The following PREX1 variants were observed in gnomAD, a reference collection of about 807,000 sequenced individuals.
The protein encoded by PREX1 is phosphatidylinositol 3,4,5-trisphosphate-dependent Rac exchanger 1 protein.
Under a neutral mutation model 198.3 loss-of-function variants are expected in PREX1, and 41 were observed. That is an observed-to-expected ratio of 0.21 (90% confidence interval 0.16 to 0.27). PREX1 has a LOEUF of 0.27. Ranked by LOEUF, PREX1 falls within the 10% of genes least tolerant of loss-of-function variation. The pLI is 1.00. For missense variants in PREX1, 1,620 were observed against 2,200.7 expected (o/e 0.74, Z 5.28); for synonymous variants, 843 against 887.2 (o/e 0.95, Z 0.89).
At chr20:48,792,816 AT>A (rs369207912) in intron 1 of PREX1, among the ~76,000 whole-genome samples, 8 of 76,578 alleles carry the variant, frequency 1.0e-4, no homozygotes, top group African/African-American at 2.1e-4. Flanking sequence ...AAAAAAAAAA[AT>A]ACACACACAC....
At chr20:48,753,723 G>C (rs2090144263) in intron 1 of PREX1, among the ~76,000 whole-genome samples, 1 of 152,110 alleles carries the variant, frequency 6.6e-6, no homozygotes, top group Non-Finnish European at 1.5e-5. Context: ...GAACACACCA[G>C]GCCCCCAGCA....
At chr20:48,642,596 A>G in intron 27 of PREX1, 107 bp from the exon 28 acceptor site, 1 of 964,928 alleles carries the variant, frequency 1.0e-6, no homozygotes, top group Non-Finnish European at 1.5e-6. Context: ...CAAACCCACA[A>G]GGGATGTGGA....
chr20:48,686,487 G>A (rs377063855), intron 10 of PREX1, among the ~76,000 whole-genome samples: 1 of 152,220 alleles, frequency 6.6e-6, no homozygotes, highest in African/African-American at 2.4e-5. Flanking sequence ...AGAACTCCTC[G>A]AAGTTCTGAT....
intron 1 of PREX1, among the ~76,000 whole-genome samples, chr20:48,762,224 T>G (rs2090183788): frequency 6.6e-6 from 1 of 152,224 alleles, no homozygotes; most frequent in Admixed American, 6.5e-5. Context: ...TCCTTCCCAT[T>G]CACAACCCAG....
At chr20:48,853,121 G>T in the PREX1 span, among the ~76,000 whole-genome samples, 1 of 152,046 alleles carries the variant, frequency 6.6e-6, no homozygotes, top group Non-Finnish European at 1.5e-5. Context: ...TGAACTACGT[G>T]AATATGATAC....
intron 32 of PREX1, 34 bp from the exon 33 acceptor site, chr20:48,634,809 A>G (rs776192787): frequency 4.9e-5 from 77 of 1,582,146 alleles, no homozygotes; most frequent in Middle Eastern, 1.7e-4. Context: ...GGAGTCTCAG[A>G]TGCCAACCCT....
chr20:48,625,822 C>A lies in PREX1; in HGVS notation c.*63G>T. 1 of 1,485,382 alleles carries A rather than the reference C, an allele frequency of 6.7e-7. No individual in the cohort carries two copies. The highest frequency in any genetic ancestry group is 1.2e-5 in the South Asian group (1 of 80,472). The allele number at this position is 1,485,382 out of a possible 1,614,324, so 92.0% of individuals were successfully genotyped here. On this transcript the variant is annotated 3_prime_UTR_variant, in exon 40 of 40. Coordinates refer to ENST00000371941, the MANE Select transcript of PREX1 (RefSeq NM_020820.4). Reference sequence around the variant, plus strand: ...CCATCCCTGGAGAAGGCCAGCGCTGCCTGCTGTGTCCTCCCAAATCCCAGC... The same window carrying A: ...CCATCCCTGGAGAAGGCCAGCGCTGACTGCTGTGTCCTCCCAAATCCCAGC...
Position 48,734,573 on chromosome 20 carries a change from C to T in PREX1, c.492G>A (p.Lys164=), listed in dbSNP as rs2090048910. 4 of 1,614,110 alleles carry T rather than the reference C, an allele frequency of 2.5e-6. No individual in the cohort carries two copies. Among genetic ancestry groups the T allele is most frequent in the Non-Finnish European group, 2.5e-6 (3 of 1,179,964 alleles). ...AAAGGAAGGCGCGCACGGTAGGGATCTTGTTCAGCTCCACCAGCAGCCTCA... is the reference window on the plus strand; with the variant it reads ...AAAGGAAGGCGCGCACGGTAGGGATTTTGTTCAGCTCCACCAGCAGCCTCA... ...KALRLLVELN[K]IPTVRAFLLS... is the part of the protein sequence containing the mutation. The change falls in exon 4 of 40, where the codon AAG becomes AAA. Residue 164 remains lysine (K), a synonymous_variant. Coordinates refer to ENST00000371941, the MANE Select transcript of PREX1 (RefSeq NM_020820.4).
intron 15 of PREX1, among the ~76,000 whole-genome samples, chr20:48,661,468 TACACACAC>T (rs778376565): frequency 3.9e-5 from 3 of 76,792 alleles, no homozygotes; most frequent in African/African-American, 3.0e-4. Context: ...TATATATATA[TACACACAC>T]ATATATATAA....
intron 29 of PREX1, 83 bp from the exon 30 acceptor site, chr20:48,639,977 C>T: frequency 6.7e-7 from 1 of 1,503,290 alleles, no homozygotes; most frequent in East Asian, 2.3e-5. Context: ...TATGTCCCAT[C>T]ACAGATCCCA....
chr20:48,713,757 AAAGAG>A (rs1207134576), intron 5 of PREX1, among the ~76,000 whole-genome samples: 51 of 128,768 alleles, frequency 4.0e-4, no homozygotes, highest in Admixed American at 3.6e-3. Context: ...TAAAAAAAAA[AAAGAG>A]AGAGAGAGAT....
Position 48,651,199 on chromosome 20 carries a change from G to A in PREX1, c.2656-144C>T, listed in dbSNP as rs529992282. The A allele has an allele frequency of 1.5e-4, 187 of 1,289,364 alleles. 3 individuals carry two copies. In the South Asian group the frequency reaches 2.7e-3, roughly 18 times the overall value. 79.9% of individuals were successfully genotyped at this position (1,289,364 alleles called of 1,614,324 possible). On this transcript the variant is annotated intron_variant, in intron 22 of 39. Coordinates refer to ENST00000371941, the MANE Select transcript of PREX1 (RefSeq NM_020820.4). ...GGCCCATATTGCACGGGAGTAAACT[G>A]AGGCTAAAGGGACAAGCCACTCTGC... is the stretch of plus-strand genomic sequence containing the variant.
intron 1 of PREX1, among the ~76,000 whole-genome samples, chr20:48,768,424 G>T (rs556803430): frequency 1.3e-5 from 2 of 152,266 alleles, no homozygotes; most frequent in African/African-American, 4.8e-5. Context: ...ACACAAAAGG[G>T]TGCAGCCACC....
Position 48,769,466 on chromosome 20 carries a change from C to G in PREX1, c.220-21586G>C, listed in dbSNP as rs757401524. On this transcript the variant is annotated intron_variant, in intron 1 of 39. Coordinates refer to ENST00000371941, the MANE Select transcript of PREX1 (RefSeq NM_020820.4). Reference sequence around the variant, plus strand: ...CACCCACTAGGCATGGGGCCGGCTTCGTACATCAAAGAGCCCTTGCATGTT... The same window carrying G: ...CACCCACTAGGCATGGGGCCGGCTTGGTACATCAAAGAGCCCTTGCATGTT... Among the ~76,000 whole-genome samples the G allele has an allele frequency of 5.2e-4, 79 of 152,298 alleles. 1 individual carries two copies. Among genetic ancestry groups the G allele is most frequent in the African/African-American group, 1.9e-3 (78 of 41,558 alleles).
At chr20:48,775,677 C>T (rs2090257752) in intron 1 of PREX1, among the ~76,000 whole-genome samples, 1 of 150,192 alleles carries the variant, frequency 6.7e-6, no homozygotes, top group South Asian at 2.1e-4. Context: ...GTGCTGTTCT[C>T]GTGATAGTGA....
At chr20:48,663,605 T>TA (rs2089612745) in intron 15 of PREX1, among the ~76,000 whole-genome samples, 1 of 152,268 alleles carries the variant, frequency 6.6e-6, no homozygotes, top group Non-Finnish European at 1.5e-5. Context: ...TTTGTTTACA[T>TA]ACTCTCTATA....
chr20:48,679,634 G>A lies in PREX1; in HGVS notation c.1539+17C>T. 6.3e-7 allele frequency: 1 copy of A among 1,582,196 alleles called. No individual in the cohort carries two copies. Among genetic ancestry groups the A allele is most frequent in the South Asian group, 1.1e-5 (1 of 90,402 alleles). ...GAGGCCAGCTGAGTCAGAGTCACAG[G>A]GGCGGAGGGCCCCTACCTTGGACAT... On this transcript the variant is annotated intron_variant, in intron 12 of 39. Transcript: ENST00000371941.
Position 48,627,946 on chromosome 20 carries a change from G to A in PREX1, c.4784C>T (p.Ser1595Phe). The A allele has an allele frequency of 6.3e-7, 1 of 1,587,596 alleles. No homozygotes were observed. Among genetic ancestry groups the A allele is most frequent in the Non-Finnish European group, 8.6e-7 (1 of 1,164,748 alleles). ...TGCCAAGATGGCCGCCTGCTCCAGG[G>A]ACACGCTCAGGGTGCTCCTGCAGCA... ...TGMQRSTLSV[S>F]LEQAAILARS... Residue 1595 changes from serine to phenylalanine, a missense_variant, in exon 38 of 40, where the codon TCC (serine) becomes TTC (phenylalanine). By Grantham distance (155) the Ser-to-Phe change is radical. Around this residue, in one of 7 missense-constraint regions of PREX1, gnomAD observed 476 missense variants for 603.4 expected, o/e 0.79. Coordinates refer to ENST00000371941, the MANE Select transcript of PREX1 (RefSeq NM_020820.4).
At chr20:48,881,855 C>T in the PREX1 span, among the ~76,000 whole-genome samples, 1 of 152,100 alleles carries the variant, frequency 6.6e-6, no homozygotes, top group African/African-American at 2.4e-5. Context: ...AATCTAATTT[C>T]GGAATGTTTT....
Sources: gnomAD v4.1 joint callset for allele counts (sites outside exome capture counted in the v4.1 genomes callset) on GRCh38, gnomAD v4.1.1 for gene constraint, gnomAD v4.1.1 regional missense constraint, MANE v1.5 for transcripts, NCBI Gene and HGNC (gene_info 2026-07-23, HGNC 2026-07-21) for gene names.